TACC2: variants seen among roughly 807,000 people sequenced by gnomAD.
TACC2 encodes the protein transforming acidic coiled-coil-containing protein 2.
Under a neutral mutation model 227.3 loss-of-function variants are expected in TACC2, and 137 were observed. That is an observed-to-expected ratio of 0.60 (90% CI 0.52 to 0.69). The LOEUF is 0.69. TACC2 is among the 30% of genes least tolerant of loss of function. The pLI, the probability that TACC2 is intolerant of heterozygous loss-of-function variation, is 0.00. For synonymous variants in TACC2, 1,523 were observed against 1,487.5 expected, an observed-to-expected ratio of 1.02 and a Z score of -0.55; for missense variants, 3,470 against 3,694.4, an observed-to-expected ratio of 0.94 and a Z score of 1.57.
chr10:122,116,064 A>G (rs1410882778), intron 5 of TACC2, among the ~76,000 whole-genome samples: 1 of 152,054 alleles, frequency 6.6e-6, no homozygotes, highest in African/African-American at 2.4e-5. Flanking sequence ...AACCCCAGTA[A>G]TCATGTTCAC....
chr10:122,198,598 A>G (rs1190129855), intron 8 of TACC2, among the ~76,000 whole-genome samples: 3 of 152,228 alleles, frequency 2.0e-5, no homozygotes, highest in Non-Finnish European at 2.9e-5. Flanking sequence ...GCATCCCTGT[A>G]TAGTGGATGT....
chr10:122,000,031 T>A (rs1051904232), intron 1 of TACC2, among the ~76,000 whole-genome samples: 2 of 152,190 alleles, frequency 1.3e-5, no homozygotes, highest in Non-Finnish European at 2.9e-5. Flanking sequence ...ATCCAACACT[T>A]GGACTTAGAG....
chr10:122,227,986 C>T lies in TACC2; in HGVS notation c.7874C>T (p.Thr2625Ile), dbSNP rs528927715. The T allele has an allele frequency of 3.1e-6, 5 of 1,613,718 alleles. No individual in the cohort carries two copies. Among genetic ancestry groups the T allele is most frequent in the East Asian group, 2.2e-5 (1 of 44,884 alleles). The change falls in exon 14 of 23, where the codon ACC becomes ATC. Residue 2625 changes from threonine to isoleucine, a missense_variant. Coordinates refer to ENST00000369005, the MANE Select transcript of TACC2 (RefSeq NM_206862.4). The stretch of plus-strand genomic sequence containing the variant: ...GAGCTGGAGGCCATGGGCTTGGGCA[C>T]CCCTTCAGAAGCGATTGAAATTGTA... ...QKELEAMGLG[T>I]PSEAIEITAP...
intron 2 of TACC2, among the ~76,000 whole-genome samples, chr10:122,039,382 G>A (rs1435564633): frequency 6.6e-6 from 1 of 152,202 alleles, no homozygotes; most frequent in Non-Finnish European, 1.5e-5. Context: ...GCTGGCATGG[G>A]TAAGGTGGGA....
chr10:122,231,905 G>T (rs1175985296), intron 16 of TACC2, among the ~76,000 whole-genome samples: 3 of 152,200 alleles, frequency 2.0e-5, no homozygotes, highest in Non-Finnish European at 4.4e-5. Context: ...TCATCTGCAG[G>T]GGGGCAGTGA....
rs1427545282 is a variant in TACC2, at chr10:122,082,904, C to A, written c.404C>A (p.Thr135Asn). 6.2e-7 allele frequency: 1 copy of A among 1,613,282 alleles called. No homozygotes were observed. The highest frequency in any genetic ancestry group is 1.7e-5 in the Admixed American group (1 of 60,022). ...PAAAPEDGPQ[T>N]QSPRREPAPN... The stretch of plus-strand genomic sequence containing the variant: ...GCGGCACCTGAAGATGGTCCTCAGA[C>A]TCAGTCTCCCAGGAGGGAACCTGCC... Residue 135 changes from threonine (T) to asparagine (N), a missense_variant, in exon 4 of 23, where the codon ACT becomes AAT. This residue lies in a region of TACC2 where 405 missense variants were observed against 389.6 expected (regional missense o/e 1.04). Coordinates refer to ENST00000369005, the MANE Select transcript of TACC2 (RefSeq NM_206862.4).
intron 7 of TACC2, among the ~76,000 whole-genome samples, chr10:122,171,582 C>T (rs564009178): frequency 6.6e-6 from 1 of 152,320 alleles, no homozygotes; most frequent in African/African-American, 2.4e-5. Context: ...GTTTAAATCC[C>T]CCAGCACTTC....
intron 11 of TACC2, among the ~76,000 whole-genome samples, chr10:122,217,642 G>C (rs1271949120): frequency 6.6e-6 from 1 of 151,996 alleles, no homozygotes; most frequent in African/African-American, 2.4e-5. Flanking sequence ...GTTTCACCAT[G>C]TTAGCTGGGC....
intron 1 of TACC2, chr10:122,019,739 G>A (rs1957108337): frequency 1.3e-5 from 2 of 152,306 alleles, no homozygotes; most frequent in Non-Finnish European, 2.9e-5. Flanking sequence ...GCACCAGTGC[G>A]AGGGCGGAGA....
At chr10:122,229,565 A>G in intron 15 of TACC2, 79 bp downstream of exon 15, 1 of 1,540,724 alleles carries the variant, frequency 6.5e-7, no homozygotes, top group Non-Finnish European at 8.9e-7. Flanking sequence ...CAAATGAAAT[A>G]AGGCAGGATT....
intron 5 of TACC2, among the ~76,000 whole-genome samples, chr10:122,119,884 A>G (rs192164885): frequency 6.6e-6 from 1 of 151,590 alleles, no homozygotes; most frequent in African/African-American, 2.4e-5. Flanking sequence ...GCGCTGCTGT[A>G]CTCTGGCCTG....
Position 122,195,195 on chromosome 10 carries a change from G to A in TACC2, c.5971+19G>A, listed in dbSNP as rs769998553. On this transcript the variant is annotated intron_variant, in intron 8 of 22. Coordinates refer to ENST00000369005, the MANE Select transcript of TACC2 (RefSeq NM_206862.4). The stretch of plus-strand genomic sequence containing the variant: ...GAACCAGGTAACCAAGGGCAGGGAG[G>A]CCCCCAGACAGCCCTGTAGAGTTGT... The A allele has an allele frequency of 1.9e-6, 3 of 1,599,040 alleles. No individual in the cohort carries two copies. Among genetic ancestry groups the A allele is most frequent in the Non-Finnish European group, 2.6e-6 (3 of 1,171,542 alleles).
At chr10:122,228,908 C>T (rs1003860945) in intron 14 of TACC2, among the ~76,000 whole-genome samples, 1 of 152,138 alleles carries the variant, frequency 6.6e-6, no homozygotes, top group African/African-American at 2.4e-5. Flanking sequence ...TATCAGAAGA[C>T]ACTTTTTCAT....
intron 6 of TACC2, among the ~76,000 whole-genome samples, chr10:122,142,187 G>A (rs944507935): frequency 2.0e-5 from 3 of 152,174 alleles, no homozygotes; most frequent in Non-Finnish European, 2.9e-5. Context: ...TATTTCTTGG[G>A]CTCTGTTTTC....
At chr10:122,193,857 A>G (rs2140523484) in intron 7 of TACC2, among the ~76,000 whole-genome samples, 1 of 152,162 alleles carries the variant, frequency 6.6e-6, no homozygotes, top group South Asian at 2.1e-4. Flanking sequence ...TTCTGGCTTA[A>G]AATTGAGTCA....
chr10:122,011,618 G>A (rs1426964769), intron 1 of TACC2, among the ~76,000 whole-genome samples: 6 of 152,208 alleles, frequency 3.9e-5, no homozygotes, highest in African/African-American at 1.4e-4. Context: ...ATGAGCGGCC[G>A]TGCCTGGCCA....
intron 5 of TACC2, among the ~76,000 whole-genome samples, chr10:122,096,279 G>A (rs781494252): frequency 1.1e-4 from 17 of 152,188 alleles, no homozygotes; most frequent in Non-Finnish European, 2.1e-4. Context: ...ATCCAGGCCT[G>A]CGCACCCGTA....
At chr10:122,241,353 A>T (rs2095988327) in intron 18 of TACC2, among the ~76,000 whole-genome samples, 1 of 152,150 alleles carries the variant, frequency 6.6e-6, no homozygotes, top group Admixed American at 6.5e-5. Flanking sequence ...GTACAGTGGC[A>T]CAATCATAGC....
intron 5 of TACC2, among the ~76,000 whole-genome samples, chr10:122,108,375 G>A (rs185582961): frequency 2.3e-4 from 33 of 141,848 alleles, no homozygotes; most frequent in East Asian, 1.6e-3. Flanking sequence ...TTCCATGCGC[G>A]CGCGCTCTCT....
Sources: allele counts gnomAD v4.1 joint callset (sites outside exome capture counted in the v4.1 genomes callset), GRCh38; gene constraint gnomAD v4.1.1; regional missense constraint gnomAD v4.1.1; transcripts MANE v1.5; gene names NCBI Gene and HGNC (gene_info 2026-07-23, HGNC 2026-07-21).